The following SPTBN1 variants were observed in gnomAD, a reference collection of about 807,000 sequenced individuals.
The protein encoded by SPTBN1 is spectrin beta chain, non-erythrocytic 1.
Under a neutral mutation model 266.4 loss-of-function variants are expected in SPTBN1, and 32 were observed. The observed-to-expected ratio is 0.12, with a 90% CI of 0.09 to 0.16. The LOEUF is 0.16. SPTBN1 is among the 10% of genes least tolerant of loss of function. The probability of loss-of-function intolerance (pLI) is 1.00; values close to 1 mark genes in which losing one functional copy is unlikely to be tolerated. For synonymous variants in SPTBN1, 1,336 were observed against 1,162.2 expected (o/e 1.15, Z -3.04); for missense variants, 2,296 against 3,067.1 (o/e 0.75, Z 5.94).
chr2:54,628,365 A>G lies in SPTBN1; in HGVS notation c.1798+115A>G. The G allele has an allele frequency of 7.6e-7, 1 of 1,320,482 alleles. No homozygotes were observed. The highest frequency in any genetic ancestry group is 1.0e-6 in the Non-Finnish European group (1 of 1,004,854). The allele number at this position is 1,320,482 out of a possible 1,614,324, so 81.8% of individuals were successfully genotyped here. On this transcript the variant is annotated intron_variant, in intron 13 of 35. Coordinates refer to ENST00000356805, the MANE Select transcript of SPTBN1 (RefSeq NM_003128.3). The surrounding 1 kb of genome is among the most constrained non-coding windows in gnomAD (Gnocchi z 4.3). ...ACTATACATTCCTGGTGGGTTTGTC[A>G]TGGGAGCATGAAATACGGTGGAGTG... is the stretch of plus-strand genomic sequence containing the variant.
At chr2:54,608,708 G>A (rs67244067) in intron 3 of SPTBN1, among the ~76,000 whole-genome samples, 31,583 of 151,128 alleles carry the variant, frequency 0.21, 3,795 homozygotes, top group African/African-American at 0.33. Flanking sequence ...GCACGAGTGC[G>A]CGCATGCACA....
In SPTBN1 at chr2:54,645,140, C is replaced by A; in HGVS notation, c.4270-89C>A. The A allele has an allele frequency of 1.4e-6, 2 of 1,440,406 alleles. No individual in the cohort carries two copies. The highest frequency in any genetic ancestry group is 4.6e-5 in the East Asian group (2 of 43,670). 89.2% of individuals were successfully genotyped at this position (1,440,406 alleles called of 1,614,324 possible). A position where few individuals can be genotyped will look rare whatever the true frequency, so the allele number is the denominator to read the frequency against. On this transcript the variant is annotated intron_variant, in intron 20 of 35. Coordinates refer to ENST00000356805, the MANE Select transcript of SPTBN1 (RefSeq NM_003128.3). The surrounding 1 kb of genome is among the most constrained non-coding windows in gnomAD (Gnocchi z 4.3). ...TCCCATGGCTGGCTTTGCGGTGTGG[C>A]CAAGTCCCAGGCCCAGCAGTTCTGC...
intron 32 of SPTBN1, chr2:54,663,435 AATGGTACACAGTTG>A (rs1681181132): frequency 6.6e-6 from 1 of 152,230 alleles, no homozygotes; most frequent in Non-Finnish European, 1.5e-5. Context: ...TGCTACAGTT[AATGGTACACAGTTG>A]ATGGTACACA....
chr2:54,574,226 C>T (rs76702392), intron 2 of SPTBN1, among the ~76,000 whole-genome samples: 2 of 151,982 alleles, frequency 1.3e-5, no homozygotes, highest in Admixed American at 6.6e-5. Flanking sequence ...TAGGGTCAGG[C>T]GTTATCTCTG....
At chr2:54,536,060 T>C (rs891454075) in intron 2 of SPTBN1, among the ~76,000 whole-genome samples, 1 of 152,174 alleles carries the variant, frequency 6.6e-6, no homozygotes, top group Admixed American at 6.5e-5. Context: ...TAGGAAGTTT[T>C]TCATTTCCCC....
intron 2 of SPTBN1, among the ~76,000 whole-genome samples, chr2:54,536,585 C>T (rs1169204136): frequency 6.6e-6 from 1 of 152,120 alleles, no homozygotes; most frequent in African/African-American, 2.4e-5. Flanking sequence ...CAGGTGACAG[C>T]AGAGCTAAAT....
chr2:54,637,810 T>A lies in SPTBN1; in HGVS notation c.3858+7T>A. The A allele has an allele frequency of 1.9e-6, 3 of 1,608,120 alleles. No homozygotes were observed. Among genetic ancestry groups the A allele is most frequent in the Non-Finnish European group, 8.5e-7 (1 of 1,174,758 alleles). On this transcript the variant is annotated splice_region_variant and intron_variant, in intron 18 of 35. Coordinates refer to ENST00000356805, the MANE Select transcript of SPTBN1 (RefSeq NM_003128.3). ...CCTGCAAGATTGTCAAGAGGTATGT[T>A]ACTCTTTAATCCCTCTATTCCTGTG...
rs1670820025 is a variant in SPTBN1, at chr2:54,526,433, A to T, written c.15A>T (p.Val5=). 2 of 1,614,104 alleles carry T rather than the reference A, an allele frequency of 1.2e-6. No individual in the cohort carries two copies. Among genetic ancestry groups the T allele is most frequent in the African/African-American group, 1.3e-5 (1 of 74,938 alleles). Residue 5 remains valine, a synonymous_variant, in exon 2 of 36, where the codon GTA becomes GTT. Transcript: ENST00000356805. MTTT[V]ATDYDNIEIQ... is the part of the protein sequence containing the mutation. ...GACAGTTCAAGATGACGACCACAGT[A>T]GCCACAGACTATGACAACATTGAGA...
chr2:54,647,389 G>T (rs948590189), intron 24 of SPTBN1, 128 bp downstream of exon 24: 5 of 1,333,432 alleles, frequency 3.7e-6, no homozygotes, highest in Non-Finnish European at 5.1e-6. Flanking sequence ...TCTTTGAGAA[G>T]CATTTTTAAA....
chr2:54,613,357 C>G lies in SPTBN1; in HGVS notation c.474+1023C>G, dbSNP rs72920555. On this transcript the variant is annotated intron_variant, in intron 4 of 35. Transcript: ENST00000356805. ...AAAAACCTCACACAAAAAGGAAAAA[C>G]GAAAAATCAAATTATAACTTGCTTT... 4.5e-3 allele frequency among the ~76,000 whole-genome samples: 682 copies of G among 152,238 alleles called. 7 individuals carry two copies. The highest frequency in any genetic ancestry group is 0.016 in the African/African-American group (660 of 41,528).
intron 34 of SPTBN1, among the ~76,000 whole-genome samples, chr2:54,666,540 G>T (rs1218657897): frequency 6.6e-6 from 1 of 152,218 alleles, no homozygotes. Context: ...AAATGTTTGG[G>T]TGGGGCCTGG....
intron 1 of SPTBN1, among the ~76,000 whole-genome samples, chr2:54,508,649 G>A (rs1425901059): frequency 6.6e-6 from 1 of 152,210 alleles, no homozygotes; most frequent in Non-Finnish European, 1.5e-5. Flanking sequence ...TTTGCTTTGT[G>A]TGGGAAGAGA....
intron 31 of SPTBN1, 111 bp from the exon 32 acceptor site, chr2:54,659,825 A>G: frequency 6.8e-7 from 1 of 1,463,342 alleles, no homozygotes; most frequent in South Asian, 1.5e-5. Flanking sequence ...AATTATGTGA[A>G]AAGGTTGCAC....
intron 2 of SPTBN1, among the ~76,000 whole-genome samples, chr2:54,550,097 G>T (rs181044683): frequency 8.9e-4 from 136 of 152,302 alleles, no homozygotes; most frequent in African/African-American, 3.1e-3. Flanking sequence ...AAATTACCTG[G>T]TTTAAAATGG....
chr2:54,664,966 A>T lies in SPTBN1; in HGVS notation c.6659+275A>T. 1 of 403,364 alleles carries T rather than the reference A, an allele frequency of 2.5e-6. No homozygotes were observed. The highest frequency in any genetic ancestry group is 4.5e-6 in the Non-Finnish European group (1 of 220,884). 25.0% of individuals were successfully genotyped at this position (403,364 alleles called of 1,614,324 possible). A position where few individuals can be genotyped will look rare whatever the true frequency, so the allele number is the denominator to read the frequency against. ...GGAATTTGCTAGATTGAGACTGAAG[A>T]GTCTTCTTTACTTTAAGTGATTGAT... On this transcript the variant is annotated intron_variant, in intron 33 of 35. Transcript: ENST00000356805. This position sits in a 1 kb window ranked among gnomAD's most constrained non-coding sequence, Gnocchi z 5.6.
chr2:54,460,525 T>C (rs986310081), intron 1 of SPTBN1, among the ~76,000 whole-genome samples: 1 of 152,184 alleles, frequency 6.6e-6, no homozygotes, highest in Non-Finnish European at 1.5e-5. Context: ...ACATCAGAGC[T>C]GGAGCCTCGG....
chr2:54,648,550 T>C (rs921834893), intron 24 of SPTBN1, among the ~76,000 whole-genome samples: 2 of 152,222 alleles, frequency 1.3e-5, no homozygotes, highest in African/African-American at 4.8e-5. Context: ...AAGACCACTC[T>C]GGATTTTGCA....
intron 2 of SPTBN1, among the ~76,000 whole-genome samples, chr2:54,571,574 C>T (rs879479146): frequency 0.037 from 1,242 of 33,226 alleles, 5 homozygotes; most frequent in African/African-American, 0.052. Flanking sequence ...CACACACACA[C>T]ATACACACAC....
intron 35 of SPTBN1, 144 bp from the exon 36 acceptor site, chr2:54,668,207 G>T (rs1307804224): frequency 5.7e-6 from 4 of 707,176 alleles, no homozygotes; most frequent in Non-Finnish European, 9.8e-6. Flanking sequence ...GTACTGATAA[G>T]GCAGAGGTGC....
Sources: allele counts gnomAD v4.1 joint callset (sites outside exome capture counted in the v4.1 genomes callset), GRCh38; gene constraint gnomAD v4.1.1; non-coding constraint Gnocchi (gnomAD v3.1); transcripts MANE v1.5; gene names NCBI Gene and HGNC (gene_info 2026-07-23, HGNC 2026-07-21).